Variants in PDZK1IP1 observed in about 807,000 individuals in gnomAD.
The protein encoded by PDZK1IP1 is PDZK1 interacting protein 1.
A neutral mutation model predicts 14.7 loss-of-function variants in PDZK1IP1; 9 were observed. The observed-to-expected ratio is 0.61, with a 90% CI of 0.37 to 1.07. The LOEUF (loss-of-function observed/expected upper bound fraction) is 1.07. Ranked by LOEUF, PDZK1IP1 falls within the 50% of genes least tolerant of loss-of-function variation. The probability of loss-of-function intolerance (pLI) is 0.01; values close to 1 mark genes in which losing one functional copy is unlikely to be tolerated. For missense variants in PDZK1IP1, 152 were observed against 148.7 expected (o/e 1.02, Z -0.11); for synonymous variants, 70 against 61.2 (o/e 1.14, Z -0.67).
Position 47,187,318 on chromosome 1 carries a change from C to A in PDZK1IP1, c.176+1G>T, listed in dbSNP as rs150502884. The A allele has an allele frequency of 6.2e-7, 1 of 1,610,062 alleles. No homozygotes were observed. Among genetic ancestry groups the A allele is most frequent in the South Asian group, 1.1e-5 (1 of 91,020 alleles). On this transcript the variant is annotated splice_donor_variant, in intron 2 of 3. Coordinates refer to ENST00000294338, the MANE Select transcript of PDZK1IP1 (RefSeq NM_005764.4). LOFTEE classifies it high-confidence loss of function. ...CTCAGGGACCCTTGGGCAGCACTCA[C>A]GGCTCCTCCTGGCACCAGAAGTGGT...
chr1:47,188,208 G>A (rs369931516), intron 1 of PDZK1IP1, among the ~76,000 whole-genome samples: 9 of 152,130 alleles, frequency 5.9e-5, no homozygotes, highest in East Asian at 1.9e-4. Context: ...GTCTTACTAC[G>A]TTGCCCAGGC....
chr1:47,188,076 GC>G (rs1371117068), intron 1 of PDZK1IP1, among the ~76,000 whole-genome samples: 1 of 152,198 alleles, frequency 6.6e-6, no homozygotes, highest in Non-Finnish European at 1.5e-5. Context: ...CAGGAAAGAA[GC>G]CTCAAAACCT....
In PDZK1IP1 at chr1:47,185,679, C is replaced by T. The variant is rs1251129166; in HGVS notation, c.177-582G>A. On this transcript the variant is annotated intron_variant, in intron 2 of 3. Coordinates refer to ENST00000294338, the MANE Select transcript of PDZK1IP1 (RefSeq NM_005764.4). ...GTCTCCAATTAAACTTAGCAGTTGC[C>T]CCTATGTCTGCTCATCCTCCTGTGT... 2.6e-5 allele frequency among the ~76,000 whole-genome samples: 4 copies of T among 152,232 alleles called. No individual in the cohort carries two copies. In the South Asian group the frequency reaches 6.2e-4, roughly 24 times the overall value.
Position 47,184,378 on chromosome 1 carries a change from A to C in PDZK1IP1, c.273-335T>G, listed in dbSNP as rs1375083283. 1.5e-3 allele frequency among the ~76,000 whole-genome samples: 5 copies of C among 3,334 alleles called. 2 individuals carry two copies. Among genetic ancestry groups the C allele is most frequent in the Non-Finnish European group, 1.6e-3 (2 of 1,244 alleles). 2.2% of individuals were successfully genotyped at this position (3,334 alleles called of 152,430 possible). On this transcript the variant is annotated intron_variant, in intron 3 of 3. Transcript: ENST00000294338. Reference sequence around the variant, plus strand: ...CCCCAACTGAGTCCATCCCCACTGAACCAATTCCCCCATTAAACCCATCCC... The same window carrying C: ...CCCCAACTGAGTCCATCCCCACTGACCCAATTCCCCCATTAAACCCATCCC...
chr1:47,187,216 G>T (rs1185233999), intron 2 of PDZK1IP1, 103 bp downstream of exon 2: 2 of 782,846 alleles, frequency 2.6e-6, no homozygotes, highest in Non-Finnish European at 4.4e-6. Flanking sequence ...CTCAGGGGGA[G>T]GATTGGACAC....
intron 2 of PDZK1IP1, among the ~76,000 whole-genome samples, chr1:47,186,189 T>A (rs1645318869): frequency 6.6e-6 from 1 of 151,778 alleles, no homozygotes; most frequent in South Asian, 2.1e-4. Context: ...GCACCTGTAA[T>A]CCCAGCTACT....
intron 3 of PDZK1IP1, 105 bp from the exon 4 acceptor site, chr1:47,184,148 C>T (rs986488922): frequency 1.2e-6 from 1 of 867,960 alleles, no homozygotes. Context: ...CCAGAATAAA[C>T]ACTTGACTCC....
At chr1:47,186,875 A>G (rs1645322991) in intron 2 of PDZK1IP1, among the ~76,000 whole-genome samples, 1 of 152,162 alleles carries the variant, frequency 6.6e-6, no homozygotes, top group African/African-American at 2.4e-5. Flanking sequence ...AACTTCTGAC[A>G]GCTCACTCCA....
chr1:47,183,833 C>G lies in PDZK1IP1; in HGVS notation c.*138G>C. ...ACCTTGGCTGGCTATACTTCAAGGG[C>G]GGGTAGGGCCGGCATGGGGCTGGAG... is the stretch of plus-strand genomic sequence containing the variant. On this transcript the variant is annotated 3_prime_UTR_variant, in exon 4 of 4. Transcript: ENST00000294338. 1 of 732,898 alleles carries G rather than the reference C, an allele frequency of 1.4e-6. No individual in the cohort carries two copies. Among genetic ancestry groups the G allele is most frequent in the Non-Finnish European group, 2.3e-6 (1 of 427,222 alleles). 45.4% of individuals were successfully genotyped at this position (732,898 alleles called of 1,614,324 possible). A position where few individuals can be genotyped will look rare whatever the true frequency, so the allele number is the denominator to read the frequency against.
intron 1 of PDZK1IP1, 114 bp downstream of exon 1, chr1:47,189,752 C>T (rs148079455): frequency 5.8e-6 from 4 of 692,824 alleles, no homozygotes; most frequent in African/African-American, 5.5e-5. Context: ...TTTCAGCTAG[C>T]GCAGTCCCTG....
chr1:47,185,141 C>G lies in PDZK1IP1; in HGVS notation c.177-44G>C, dbSNP rs573836193. The G allele has an allele frequency of 2.1e-6, 3 of 1,451,870 alleles. No individual in the cohort carries two copies. The African/African-American group carries it at 4.2e-5, about 20-fold the overall frequency. 89.9% of individuals were successfully genotyped at this position (1,451,870 alleles called of 1,614,324 possible). ...AGTGGGGCTCCTCAGTGGGGCCCCCCTCGTCCAAGCAGACCCTATTCTGGG... is the reference window on the plus strand; with the variant it reads ...AGTGGGGCTCCTCAGTGGGGCCCCCGTCGTCCAAGCAGACCCTATTCTGGG... On this transcript the variant is annotated intron_variant, in intron 2 of 3. Transcript: ENST00000294338.
chr1:47,183,924 T>A lies in PDZK1IP1; in HGVS notation c.*47A>T, dbSNP rs370399612. 30 of 1,446,618 alleles carry A rather than the reference T, an allele frequency of 2.1e-5. No individual in the cohort carries two copies. The highest frequency in any genetic ancestry group is 2.8e-5 in the Non-Finnish European group (29 of 1,045,400). 89.6% of individuals were successfully genotyped at this position (1,446,618 alleles called of 1,614,324 possible). Reference sequence around the variant, plus strand: ...GGGGCTTGGGTGGTAGCACTGGACATCCATCCCATGTGCCTGGGAGTCTTG... The same window carrying A: ...GGGGCTTGGGTGGTAGCACTGGACAACCATCCCATGTGCCTGGGAGTCTTG... On this transcript the variant is annotated 3_prime_UTR_variant, in exon 4 of 4. Coordinates refer to ENST00000294338, the MANE Select transcript of PDZK1IP1 (RefSeq NM_005764.4).
intron 1 of PDZK1IP1, among the ~76,000 whole-genome samples, chr1:47,188,543 C>G (rs1645333198): frequency 6.6e-6 from 1 of 152,200 alleles, no homozygotes; most frequent in South Asian, 2.1e-4. Context: ...CAGAATATAC[C>G]TGCATCCCTA....
intron 2 of PDZK1IP1, among the ~76,000 whole-genome samples, chr1:47,185,575 G>C (rs1351030436): frequency 6.6e-6 from 1 of 152,120 alleles, no homozygotes; most frequent in African/African-American, 2.4e-5. Context: ...CCTCCCAGAA[G>C]CTGCTCTCAT....
At chr1:47,187,907 C>T (rs888794478) in intron 1 of PDZK1IP1, among the ~76,000 whole-genome samples, 3 of 152,168 alleles carry the variant, frequency 2.0e-5, no homozygotes, top group Admixed American at 6.5e-5. Context: ...TGTAGCAAGA[C>T]GTTTCTCTGA....
At chr1:47,186,272 C>A (rs1472034479) in intron 2 of PDZK1IP1, among the ~76,000 whole-genome samples, 1 of 151,326 alleles carries the variant, frequency 6.6e-6, no homozygotes, top group Non-Finnish European at 1.5e-5. Flanking sequence ...AGAGCCATTG[C>A]ACTCCAGCCT....
At chr1:47,189,444 G>A (rs188073135) in intron 1 of PDZK1IP1, among the ~76,000 whole-genome samples, 4 of 152,318 alleles carry the variant, frequency 2.6e-5, no homozygotes, top group African/African-American at 7.2e-5. Flanking sequence ...AGAGCAGGAC[G>A]AAGAGGTCAG....
intron 2 of PDZK1IP1, chr1:47,185,442 G>A: frequency 3.5e-6 from 1 of 285,080 alleles, no homozygotes; most frequent in South Asian, 4.2e-5. Context: ...GCACAGATGT[G>A]GTTGGTGGCC....
At chr1:47,185,422 T>C in intron 2 of PDZK1IP1, 1 of 331,526 alleles carries the variant, frequency 3.0e-6, no homozygotes, top group East Asian at 7.3e-5. Flanking sequence ...GCTCGTGCCT[T>C]GGGCAGTGGG....
Sources: allele counts gnomAD v4.1 joint callset (sites outside exome capture counted in the v4.1 genomes callset), GRCh38; gene constraint gnomAD v4.1.1; transcripts MANE v1.5; gene names NCBI Gene and HGNC (gene_info 2026-07-23, HGNC 2026-07-21).